The following KCNB2 variants were observed in gnomAD, a reference collection of about 807,000 sequenced individuals.
KCNB2 encodes delayed rectifier potassium channel protein.
KCNB2 carries 15 observed loss-of-function variants against 61.5 expected under a neutral mutation model. That is an observed-to-expected ratio of 0.24 (90% CI 0.16 to 0.38). The LOEUF is 0.38. Ranked by LOEUF, KCNB2 falls within the 10% of genes least tolerant of loss-of-function variation. The probability of loss-of-function intolerance (pLI) is 1.00; values close to 1 mark genes in which losing one functional copy is unlikely to be tolerated. For synonymous variants in KCNB2, 457 were observed against 446.0 expected (o/e 1.02, Z -0.31); for missense variants, 828 against 1,125.2 (o/e 0.74, Z 3.78).
intron 2 of KCNB2, among the ~76,000 whole-genome samples, chr8:72,638,555 T>A (rs1182904432): frequency 1.3e-5 from 2 of 152,162 alleles, no homozygotes; most frequent in African/African-American, 4.8e-5. Flanking sequence ...TGTATAGTTT[T>A]CTTGTATAAG....
At chr8:72,712,241 G>T (rs951691120) in intron 2 of KCNB2, among the ~76,000 whole-genome samples, 1 of 152,214 alleles carries the variant, frequency 6.6e-6, no homozygotes, top group African/African-American at 2.4e-5. Flanking sequence ...AGGGAGAGAA[G>T]AAGGAGCATA....
chr8:72,818,984 C>T (rs1355479363), intron 2 of KCNB2, among the ~76,000 whole-genome samples: 1 of 152,098 alleles, frequency 6.6e-6, no homozygotes, highest in Non-Finnish European at 1.5e-5. Flanking sequence ...TCAGATTCAC[C>T]ATTATTTATT....
At chr8:72,920,987 G>T (rs1806510848) in intron 2 of KCNB2, among the ~76,000 whole-genome samples, 1 of 152,140 alleles carries the variant, frequency 6.6e-6, no homozygotes. Flanking sequence ...CTAAGCTAAA[G>T]TTATGTCAAA....
At chr8:72,703,826 C>T (rs1008385872) in intron 2 of KCNB2, among the ~76,000 whole-genome samples, 11 of 152,250 alleles carry the variant, frequency 7.2e-5, no homozygotes, top group African/African-American at 2.6e-4. Flanking sequence ...CTCATGAAAA[C>T]GATGTGTGAT....
chr8:72,930,765 G>A (rs1228816722), intron 2 of KCNB2, among the ~76,000 whole-genome samples: 1 of 152,168 alleles, frequency 6.6e-6, no homozygotes, highest in African/African-American at 2.4e-5. Context: ...CACTCTGACG[G>A]TAGTTTCTTT....
chr8:72,627,845 ATAGTATTTATTG>A (rs1435156183), intron 2 of KCNB2, among the ~76,000 whole-genome samples: 1 of 152,212 alleles, frequency 6.6e-6, no homozygotes, highest in Non-Finnish European at 1.5e-5. Flanking sequence ...AAGATAAAAT[ATAGTATTTATTG>A]TAGTATTTAT....
Position 72,567,694 on chromosome 8 carries a change from T to C in KCNB2, c.-41T>C. The C allele has an allele frequency of 7.0e-7, 1 of 1,423,046 alleles. No individual in the cohort carries two copies. The highest frequency in any genetic ancestry group is 9.4e-7 in the Non-Finnish European group (1 of 1,059,358). The allele number at this position is 1,423,046 out of a possible 1,614,324, so 88.2% of individuals were successfully genotyped here. The stretch of plus-strand genomic sequence containing the variant: ...AGGGATATTGCTTCAGTTGACCTCA[T>C]TTTTTAAGGACCCTGGCTCTGCGGC... On this transcript the variant is annotated 5_prime_UTR_variant, in exon 2 of 3. Coordinates refer to ENST00000523207, the MANE Select transcript of KCNB2 (RefSeq NM_004770.3).
intron 2 of KCNB2, among the ~76,000 whole-genome samples, chr8:72,875,361 C>T (rs1016122846): frequency 6.6e-6 from 1 of 152,184 alleles, no homozygotes; most frequent in South Asian, 2.1e-4. Flanking sequence ...GCCATAGCAG[C>T]CTGGCAGCCC....
chr8:72,811,860 A>G (rs995705012), intron 2 of KCNB2, among the ~76,000 whole-genome samples: 14 of 152,220 alleles, frequency 9.2e-5, no homozygotes, highest in African/African-American at 3.1e-4. Context: ...ATGAGAAGAG[A>G]AACATGTGCA....
Position 72,845,586 on chromosome 8 carries a change from T to A in KCNB2, c.580-90349T>A, listed in dbSNP as rs187751417. ...CTGTCCCAGGGAGATGGGCATTTTATCTATAAGTCCCCGACTGGGGCTGCT... is the reference window on the plus strand; with the variant it reads ...CTGTCCCAGGGAGATGGGCATTTTAACTATAAGTCCCCGACTGGGGCTGCT... On this transcript the variant is annotated intron_variant, in intron 2 of 2. Transcript: ENST00000523207. Among the ~76,000 whole-genome samples, 13 of 152,320 alleles carry A rather than the reference T, an allele frequency of 8.5e-5. No homozygotes were observed. In the East Asian group the frequency reaches 2.5e-3, roughly 29 times the overall value.
At chr8:72,845,503 G>A (rs184949699) in intron 2 of KCNB2, among the ~76,000 whole-genome samples, 116 of 152,338 alleles carry the variant, frequency 7.6e-4, no homozygotes, top group African/African-American at 2.7e-3. Context: ...GAGCTGGCAG[G>A]CAGGAATATT....
chr8:72,856,781 C>T (rs140692170), intron 2 of KCNB2, among the ~76,000 whole-genome samples: 14 of 152,126 alleles, frequency 9.2e-5, no homozygotes, highest in South Asian at 8.3e-4. Context: ...TACTGTATTA[C>T]GGAAGAAAAA....
At chr8:72,670,968 T>C (rs1186908105) in intron 2 of KCNB2, among the ~76,000 whole-genome samples, 1 of 152,216 alleles carries the variant, frequency 6.6e-6, no homozygotes, top group African/African-American at 2.4e-5. Flanking sequence ...TTTAAATTCA[T>C]CTGTTATTAT....
chr8:72,614,227 C>T (rs1357856505), intron 2 of KCNB2, among the ~76,000 whole-genome samples: 1 of 152,104 alleles, frequency 6.6e-6, no homozygotes, highest in Non-Finnish European at 1.5e-5. Context: ...GATTGGATGC[C>T]AAACAGCAAG....
At chr8:72,680,479 A>T (rs897617112) in intron 2 of KCNB2, among the ~76,000 whole-genome samples, 1 of 152,214 alleles carries the variant, frequency 6.6e-6, no homozygotes, top group Non-Finnish European at 1.5e-5. Flanking sequence ...ATGGGACATG[A>T]TGAAAGCAGC....
At chr8:72,899,549 G>T (rs1377595728) in intron 2 of KCNB2, among the ~76,000 whole-genome samples, 1 of 152,138 alleles carries the variant, frequency 6.6e-6, no homozygotes, top group African/African-American at 2.4e-5. Flanking sequence ...TCAAATCAAT[G>T]TACAAAAATC....
intron 2 of KCNB2, among the ~76,000 whole-genome samples, chr8:72,804,288 G>GT (rs1269491814): frequency 4.0e-5 from 6 of 151,312 alleles, no homozygotes; most frequent in East Asian, 1.9e-4. Context: ...CTTCCTCCCG[G>GT]TTTTTTTTTA....
At chr8:72,685,395 G>A (rs779601440) in intron 2 of KCNB2, among the ~76,000 whole-genome samples, 2 of 151,924 alleles carry the variant, frequency 1.3e-5, no homozygotes, top group Non-Finnish European at 2.9e-5. Flanking sequence ...TATTAAGTTC[G>A]TGCGATATGC....
At chr8:72,653,181 A>G (rs566020546) in intron 2 of KCNB2, among the ~76,000 whole-genome samples, 1 of 152,304 alleles carries the variant, frequency 6.6e-6, no homozygotes, top group Admixed American at 6.5e-5. Context: ...AATTTCATCC[A>G]TAAAGATTCT....
Sources: gnomAD v4.1 joint callset for allele counts (sites outside exome capture counted in the v4.1 genomes callset) on GRCh38, gnomAD v4.1.1 for gene constraint, MANE v1.5 for transcripts, NCBI Gene and HGNC (gene_info 2026-07-23, HGNC 2026-07-21) for gene names.